Variants in HERC3 observed in about 807,000 individuals in gnomAD.
HERC3 encodes the protein HECT and RLD domain containing E3 ubiquitin protein ligase 3, also known as probable E3 ubiquitin-protein ligase HERC3.
HERC3 carries 58 observed loss-of-function variants against 129.9 expected under a neutral mutation model. The ratio of observed to expected loss-of-function variants is 0.45; its 90% CI spans 0.36 to 0.56. The LOEUF (loss-of-function observed/expected upper bound fraction) is 0.56, where lower values mean the gene tolerates loss of function less well. Among genes scored for constraint, HERC3 ranks in the 20% least tolerant of loss-of-function variants. The pLI is 0.00. For synonymous variants in HERC3, 430 were observed against 451.0 expected (o/e 0.95, Z 0.59); for missense variants, 835 against 1,244.2 (o/e 0.67, Z 4.95).
intron 3 of HERC3, among the ~76,000 whole-genome samples, chr4:88,622,788 G>T (rs1196300073): frequency 2.0e-5 from 3 of 152,098 alleles, no homozygotes; most frequent in Non-Finnish European, 4.4e-5. Context: ...AATTAGCTGG[G>T]TGTGGTGGTG....
At chr4:88,562,651 T>C in the HERC3 span, among the ~76,000 whole-genome samples, 1 of 152,222 alleles carries the variant, frequency 6.6e-6, no homozygotes, top group South Asian at 2.1e-4. Context: ...GATTCAAAAC[T>C]TTAATCCATT....
the HERC3 span, among the ~76,000 whole-genome samples, chr4:88,566,215 G>GA: frequency 6.6e-6 from 1 of 152,092 alleles, no homozygotes; most frequent in African/African-American, 2.4e-5. Flanking sequence ...TTATAAGTCA[G>GA]AAAATGCAGT....
At chr4:88,533,735 T>C in the HERC3 span, among the ~76,000 whole-genome samples, 1 of 152,244 alleles carries the variant, frequency 6.6e-6, no homozygotes, top group Non-Finnish European at 1.5e-5. Flanking sequence ...TAGGCCTCAA[T>C]GATTTAAAGT....
At chr4:88,549,838 T>G in the HERC3 span, among the ~76,000 whole-genome samples, 5 of 152,086 alleles carry the variant, frequency 3.3e-5, no homozygotes, top group African/African-American at 1.2e-4. Context: ...AGAAAACATT[T>G]GAAATGGTCC....
intron 3 of HERC3, 106 bp from the exon 4 acceptor site, chr4:88,649,734 G>T: frequency 1.2e-6 from 1 of 845,568 alleles, no homozygotes; most frequent in South Asian, 1.7e-5. Context: ...AGATTAAGTG[G>T]TTCTTGTTAA....
At chr4:88,597,692 C>G (rs1218336380) in intron 2 of HERC3, among the ~76,000 whole-genome samples, 1 of 152,196 alleles carries the variant, frequency 6.6e-6, no homozygotes, top group African/African-American at 2.4e-5. Flanking sequence ...ATTCTTCCAG[C>G]TTCACAAAGC....
chr4:88,678,012 C>G lies in HERC3; in HGVS notation c.2074C>G (p.Leu692Val). The change falls in exon 19 of 26, where the codon CTG becomes GTG. Residue 692 changes from leucine to valine, a missense_variant. Transcript: ENST00000402738. ...NLQNVFMLLT[L>V]EPLLARSPFL... ...GCAGAATGTCTTCATGCTTCTCACCCTGGAGCCTCTGCTGGCCAGAAGCCC... is the reference window on the plus strand; with the variant it reads ...GCAGAATGTCTTCATGCTTCTCACCGTGGAGCCTCTGCTGGCCAGAAGCCC... The G allele has an allele frequency of 6.2e-7, 1 of 1,613,878 alleles. No individual in the cohort carries two copies. The highest frequency in any genetic ancestry group is 8.5e-7 in the Non-Finnish European group (1 of 1,179,998).
At chr4:88,651,500 C>A (rs1323347667) in intron 4 of HERC3, among the ~76,000 whole-genome samples, 1 of 152,054 alleles carries the variant, frequency 6.6e-6, no homozygotes, top group Non-Finnish European at 1.5e-5. Context: ...TTACTATGTA[C>A]CTTACAGGGT....
chr4:88,595,894 G>A (rs1722327317), intron 2 of HERC3, among the ~76,000 whole-genome samples: 2 of 125,402 alleles, frequency 1.6e-5, no homozygotes, highest in Non-Finnish European at 3.1e-5. Flanking sequence ...TGTCGCCCAC[G>A]CTGGAGTGCA....
chr4:88,524,128 G>A, the HERC3 span, among the ~76,000 whole-genome samples: 1 of 152,192 alleles, frequency 6.6e-6, no homozygotes. Flanking sequence ...TGTACCGAAT[G>A]TATTGTCATG....
In HERC3 at chr4:88,707,209, A is replaced by G. The variant is rs1013134726; in HGVS notation, c.*249A>G. 2.0e-6 allele frequency: 1 copy of G among 493,852 alleles called. No individual in the cohort carries two copies. The highest frequency in any genetic ancestry group is 1.9e-5 in the African/African-American group (1 of 51,652). The allele number at this position is 493,852 out of a possible 1,614,324, so 30.6% of individuals were successfully genotyped here. A position where few individuals can be genotyped will look rare whatever the true frequency, so the allele number is the denominator to read the frequency against. On this transcript the variant is annotated 3_prime_UTR_variant, in exon 26 of 26. Transcript: ENST00000402738. ...GGTGTTTTTGTTTTTGTTTTAAACC[A>G]AACTACCCAGTATTCCTTGCACTTG... is the stretch of plus-strand genomic sequence containing the variant.
At chr4:88,607,506 C>T (rs1205713733) in intron 3 of HERC3, among the ~76,000 whole-genome samples, 1 of 152,130 alleles carries the variant, frequency 6.6e-6, no homozygotes, top group Admixed American at 6.5e-5. Context: ...CTCTGTCGCC[C>T]AGGCTGGAGT....
intron 3 of HERC3, among the ~76,000 whole-genome samples, chr4:88,625,544 C>T (rs1172049787): frequency 6.6e-6 from 1 of 152,010 alleles, no homozygotes; most frequent in African/African-American, 2.4e-5. Context: ...TTGTTAAACT[C>T]TCTTATTAGC....
chr4:88,647,244 C>T (rs1050142270), intron 3 of HERC3, among the ~76,000 whole-genome samples: 2 of 152,050 alleles, frequency 1.3e-5, no homozygotes, highest in Non-Finnish European at 1.5e-5. Flanking sequence ...GGAAAGAAAA[C>T]GGCAGACAGA....
intron 3 of HERC3, among the ~76,000 whole-genome samples, chr4:88,616,364 G>A (rs1030427389): frequency 4.6e-5 from 7 of 152,134 alleles, no homozygotes; most frequent in Non-Finnish European, 7.3e-5. Flanking sequence ...AAATTAGGTC[G>A]CTGTGGGCAC....
chr4:88,579,240 T>C, the HERC3 span, among the ~76,000 whole-genome samples: 12 of 147,450 alleles, frequency 8.1e-5, no homozygotes, highest in Admixed American at 6.8e-4. Context: ...AAAATATATA[T>C]ATATATATAT....
intron 3 of HERC3, 67 bp downstream of exon 3, chr4:88,606,116 G>A: frequency 1.6e-6 from 2 of 1,276,782 alleles, no homozygotes; most frequent in Non-Finnish European, 1.1e-6. Context: ...ATGGCAGAGG[G>A]CCCAGATGGA....
chr4:88,644,240 A>T (rs1362231398), intron 3 of HERC3, among the ~76,000 whole-genome samples: 1 of 152,102 alleles, frequency 6.6e-6, no homozygotes, highest in Admixed American at 6.5e-5. Flanking sequence ...TCTTTTTTTT[A>T]AATAAACATA....
the HERC3 span, chr4:88,583,978 T>C: frequency 2.0e-5 from 3 of 152,334 alleles, no homozygotes; most frequent in African/African-American, 7.2e-5. Flanking sequence ...AATCCTATAA[T>C]TGATGCTTTT....
Sources: gnomAD v4.1 joint callset for allele counts (sites outside exome capture counted in the v4.1 genomes callset) on GRCh38, gnomAD v4.1.1 for gene constraint, MANE v1.5 for transcripts, NCBI Gene and HGNC (gene_info 2026-07-23, HGNC 2026-07-21) for gene names.